The following ITGB6 variants were observed in gnomAD, a reference collection of about 807,000 sequenced individuals.
ITGB6 encodes integrin beta-6.
Under a neutral mutation model 84.5 loss-of-function variants are expected in ITGB6, and 80 were observed. The observed-to-expected ratio is 0.95, with a 90% CI of 0.79 to 1.14. The LOEUF is 1.14. ITGB6 is among the 50% of genes most tolerant of loss of function. The probability of loss-of-function intolerance (pLI) is 0.00; values close to 1 mark genes in which losing one functional copy is unlikely to be tolerated. For missense variants in ITGB6, 1,006 were observed against 968.0 expected, an observed-to-expected ratio of 1.04 and a Z score of -0.52; for synonymous variants, 383 against 354.9, an observed-to-expected ratio of 1.08 and a Z score of -0.89.
intron 6 of ITGB6, 108 bp downstream of exon 6, chr2:160,172,461 T>C (rs1685242915): frequency 9.3e-7 from 1 of 1,073,738 alleles, no homozygotes; most frequent in African/African-American, 1.5e-5. Flanking sequence ...CATTAGAAAA[T>C]GTGCACTGCT....
At chr2:160,117,127 T>C (rs1232916256) in intron 12 of ITGB6, among the ~76,000 whole-genome samples, 1 of 151,680 alleles carries the variant, frequency 6.6e-6, no homozygotes, top group Non-Finnish European at 1.5e-5. Context: ...TTAACAAGGA[T>C]ACCCAGGAAT....
intron 8 of ITGB6, among the ~76,000 whole-genome samples, chr2:160,141,672 A>G (rs1574079390): frequency 1.3e-5 from 2 of 152,080 alleles, no homozygotes; most frequent in Middle Eastern, 6.8e-3. Context: ...GATGGAGGAG[A>G]GCTTAATTGT....
Position 160,099,941 on chromosome 2 carries a change from C to T in ITGB6, c.*1795G>A, listed in dbSNP as rs1444262842. On this transcript the variant is annotated 3_prime_UTR_variant, in exon 15 of 15. Transcript: ENST00000283249. ...AATTAAAAAAACAACAGTAAGTCCA[C>T]GTAGAGGAGAGGATTGCTGTTGTGT... 5.9e-5 allele frequency: 9 copies of T among 152,260 alleles called. No individual in the cohort carries two copies. The highest frequency in any genetic ancestry group is 4.1e-4 in the South Asian group (2 of 4,826). The allele number at this position is 152,260 out of a possible 1,614,324, so 9.4% of individuals were successfully genotyped here.
In ITGB6 at chr2:160,137,825, G is replaced by A. The variant is rs759935860; in HGVS notation, c.1269C>T (p.Ile423=). The change falls in exon 10 of 15, where the codon ATC becomes ATT. Residue 423 remains isoleucine (I), a synonymous_variant. Transcript: ENST00000283249. ...DTASFSVTVN[I]PHCERRSRHI... Reference sequence around the variant, plus strand: ...GCCTGCTTCTTCTCTCGCAGTGTGGGATATTCACAGTCACGCTGAAGGAAG... The same window carrying A: ...GCCTGCTTCTTCTCTCGCAGTGTGGAATATTCACAGTCACGCTGAAGGAAG... 1 of 1,614,020 alleles carries A rather than the reference G, an allele frequency of 6.2e-7. No individual in the cohort carries two copies. Among genetic ancestry groups the A allele is most frequent in the Non-Finnish European group, 8.5e-7 (1 of 1,179,956 alleles).
At chr2:160,150,699 T>C (rs1189996802) in intron 7 of ITGB6, among the ~76,000 whole-genome samples, 1 of 152,142 alleles carries the variant, frequency 6.6e-6, no homozygotes, top group African/African-American at 2.4e-5. Flanking sequence ...TGGTGTGTAT[T>C]CAGGAGACAC....
In ITGB6 at chr2:160,153,834, G is replaced by A. The variant is rs192638827; in HGVS notation, c.1018-11763C>T. ...GCAGCCAACAGACACATGAAAAATC[G>A]CTCGTCATCACTGGCCATCAGAGAA... is the stretch of plus-strand genomic sequence containing the variant. On this transcript the variant is annotated intron_variant, in intron 7 of 14. Transcript: ENST00000283249. Among the ~76,000 whole-genome samples, 16 of 152,188 alleles carry A rather than the reference G, an allele frequency of 1.1e-4. 1 individual carries two copies. In the East Asian group the frequency reaches 2.1e-3, roughly 20 times the overall value.
intron 4 of ITGB6, among the ~76,000 whole-genome samples, chr2:160,179,274 T>G (rs894486807): frequency 1.3e-5 from 2 of 152,110 alleles, no homozygotes; most frequent in Non-Finnish European, 2.9e-5. Context: ...TGTCTGTATT[T>G]TCACATGGAC....
chr2:160,132,763 A>T (rs1683524519), intron 10 of ITGB6, among the ~76,000 whole-genome samples: 1 of 152,184 alleles, frequency 6.6e-6, no homozygotes, highest in Non-Finnish European at 1.5e-5. Flanking sequence ...TACAATAGTC[A>T]TATACAATAT....
chr2:160,108,214 A>AGTGTGTGTGTGTGTGTGT (rs57363305), intron 13 of ITGB6, among the ~76,000 whole-genome samples: 52 of 142,818 alleles, frequency 3.6e-4, no homozygotes, highest in East Asian at 1.2e-3. Context: ...GCAGAAATGG[A>AGTGTGTGTGTGTGTGTGT]GTGTGTGTGT....
At chr2:160,160,671 G>A (rs1684781455) in intron 7 of ITGB6, among the ~76,000 whole-genome samples, 1 of 152,084 alleles carries the variant, frequency 6.6e-6, no homozygotes, top group Non-Finnish European at 1.5e-5. Context: ...GTCCTTTTGT[G>A]CCTTGATGCC....
At chr2:160,181,757 G>A (rs760792792) in intron 4 of ITGB6, among the ~76,000 whole-genome samples, 11 of 152,162 alleles carry the variant, frequency 7.2e-5, no homozygotes, top group Non-Finnish European at 1.2e-4. Flanking sequence ...GACATCTGGC[G>A]GGTGCCCCTC....
chr2:160,183,276 A>G (rs549479310), intron 4 of ITGB6, among the ~76,000 whole-genome samples: 2 of 152,314 alleles, frequency 1.3e-5, no homozygotes, highest in South Asian at 4.1e-4. Context: ...ATGGGCTCAA[A>G]ATAAAGGGAT....
At chr2:160,199,330 C>T in intron 1 of ITGB6, 72 bp from the exon 2 acceptor site, 1 of 1,101,734 alleles carries the variant, frequency 9.1e-7, no homozygotes, top group East Asian at 2.4e-5. Context: ...ACTGATGGCT[C>T]TTACATTACT....
intron 7 of ITGB6, among the ~76,000 whole-genome samples, chr2:160,148,723 G>T (rs919475953): frequency 6.6e-6 from 1 of 152,160 alleles, no homozygotes; most frequent in Non-Finnish European, 1.5e-5. Context: ...AGACTACCTG[G>T]AAAAACGGGA....
intron 12 of ITGB6, among the ~76,000 whole-genome samples, chr2:160,115,672 G>A (rs1351425126): frequency 6.6e-6 from 1 of 152,228 alleles, no homozygotes; most frequent in African/African-American, 2.4e-5. Context: ...GAATGACTTT[G>A]ATGAATTGAG....
chr2:160,173,577 C>G (rs1393713721), intron 5 of ITGB6, among the ~76,000 whole-genome samples: 2 of 152,182 alleles, frequency 1.3e-5, no homozygotes, highest in Non-Finnish European at 2.9e-5. Context: ...TGGTTCAAAA[C>G]AATAGCTATG....
At chr2:160,137,185 T>C (rs373280009) in intron 10 of ITGB6, among the ~76,000 whole-genome samples, 2 of 152,178 alleles carry the variant, frequency 1.3e-5, no homozygotes, top group African/African-American at 4.8e-5. Flanking sequence ...GAGAAGGCAC[T>C]TGTATCTTTC....
At chr2:160,153,169 G>A (rs1413025664) in intron 7 of ITGB6, among the ~76,000 whole-genome samples, 3 of 152,100 alleles carry the variant, frequency 2.0e-5, no homozygotes, top group East Asian at 1.9e-4. Flanking sequence ...GAGAGATCAC[G>A]CTACCTGACT....
chr2:160,116,138 T>C (rs1339388097), intron 12 of ITGB6, among the ~76,000 whole-genome samples: 1 of 148,892 alleles, frequency 6.7e-6, no homozygotes, highest in African/African-American at 2.5e-5. Context: ...CAGGCCAACG[T>C]TCAGATTCAG....
Sources: allele counts gnomAD v4.1 joint callset (sites outside exome capture counted in the v4.1 genomes callset), GRCh38; gene constraint gnomAD v4.1.1; transcripts MANE v1.5; gene names NCBI Gene and HGNC (gene_info 2026-07-23, HGNC 2026-07-21).